CACNA1E: variants seen among roughly 807,000 people sequenced by gnomAD.
CACNA1E encodes the protein calcium voltage-gated channel subunit alpha1 E.
CACNA1E carries 40 observed loss-of-function variants against 259.2 expected under a neutral mutation model. The observed-to-expected ratio is 0.15, with a 90% CI of 0.12 to 0.20. The LOEUF (loss-of-function observed/expected upper bound fraction) is 0.20. CACNA1E is among the 10% of genes least tolerant of loss of function. The pLI, the probability that CACNA1E is intolerant of heterozygous loss-of-function variation, is 1.00. For missense variants in CACNA1E, 1,874 were observed against 3,040.1 expected, an observed-to-expected ratio of 0.62 and a Z score of 9.02; for synonymous variants, 1,104 against 1,138.5, an observed-to-expected ratio of 0.97 and a Z score of 0.61.
intron 6 of CACNA1E, among the ~76,000 whole-genome samples, chr1:181,592,073 C>T (rs1652701934): frequency 6.6e-6 from 1 of 152,150 alleles, no homozygotes; most frequent in African/African-American, 2.4e-5. Context: ...ACTCTGATGT[C>T]GCCTTCTCCA....
rs879647415 is a variant in CACNA1E at position 181,805,842 on chromosome 1, G to A, written c.*7008G>A. 1.3e-5 allele frequency: 2 copies of A among 152,240 alleles called. No homozygotes were observed. Among genetic ancestry groups the A allele is most frequent in the Non-Finnish European group, 2.9e-5 (2 of 68,072 alleles). 9.4% of individuals were successfully genotyped at this position (152,240 alleles called of 1,614,324 possible). On this transcript the variant is annotated 3_prime_UTR_variant, in exon 48 of 48. Transcript: ENST00000367573. ...CATGTGTTTGGCATTTCATGGCTGGGACAATGGAGTAGAGGGTAGGAAGAC... is the reference window on the plus strand; with the variant it reads ...CATGTGTTTGGCATTTCATGGCTGGAACAATGGAGTAGAGGGTAGGAAGAC...
intron 7 of CACNA1E, among the ~76,000 whole-genome samples, chr1:181,700,813 C>T (rs1363836527): frequency 6.6e-6 from 1 of 152,220 alleles, no homozygotes; most frequent in African/African-American, 2.4e-5. Context: ...GCTAGTCCTT[C>T]TGTGTATTGA....
rs1210369596 is a variant in CACNA1E at position 181,579,218 on chromosome 1, A to C, written c.763A>C (p.Asn255His). 1.1e-5 allele frequency: 18 copies of C among 1,611,248 alleles called. No individual in the cohort carries two copies. The highest frequency in any genetic ancestry group is 1.5e-5 in the Non-Finnish European group (18 of 1,178,932). The part of the protein sequence containing the change: ...GKLHRACFMN[N>H]SGILEGFDPP... ...GTTACATCGAGCATGCTTCATGAAC[A>C]ATTCAGGTAGGGTCGTTCTTTTCTG... The change falls in exon 5 of 48, where the codon AAT becomes CAT. Residue 255 changes from asparagine (N) to histidine (H), a missense_variant. Around this residue, in one of 14 missense-constraint regions of CACNA1E, gnomAD observed 28 missense variants for 64.6 expected, o/e 0.43. Coordinates refer to ENST00000367573, the MANE Select transcript of CACNA1E (RefSeq NM_001205293.3).
chr1:181,675,787 G>A (rs1000222566), intron 7 of CACNA1E, among the ~76,000 whole-genome samples: 11 of 152,338 alleles, frequency 7.2e-5, no homozygotes, highest in East Asian at 1.9e-4. Flanking sequence ...CAGAGCCTGC[G>A]GGATTGCCGT....
At chr1:181,770,012 T>A (rs1659365649) in intron 35 of CACNA1E, among the ~76,000 whole-genome samples, 1 of 152,194 alleles carries the variant, frequency 6.6e-6, no homozygotes, top group African/African-American at 2.4e-5. Context: ...CCATTCTCCC[T>A]GAGAGACAAG....
At chr1:181,444,387 G>A (rs1398453072) in intron 2 of CACNA1E, among the ~76,000 whole-genome samples, 1 of 151,990 alleles carries the variant, frequency 6.6e-6, no homozygotes, top group Non-Finnish European at 1.5e-5. Context: ...GAGAAGGAGA[G>A]GTAAAAGAGA....
chr1:181,602,892 A>T lies in CACNA1E; in HGVS notation c.951+22116A>T, dbSNP rs189033045. ...AACAACCATTCATTGAGTCCACAAG[A>T]TCCATACTTACGCATGAAAATTACT... On this transcript the variant is annotated intron_variant, in intron 6 of 47. Transcript: ENST00000367573. Among the ~76,000 whole-genome samples, 4 of 152,242 alleles carry T rather than the reference A, an allele frequency of 2.6e-5. No individual in the cohort carries two copies. In the East Asian group the frequency reaches 7.7e-4, roughly 29 times the overall value.
At chr1:181,581,244 ACAC>A (rs1273391327) in intron 6 of CACNA1E, among the ~76,000 whole-genome samples, 1 of 152,154 alleles carries the variant, frequency 6.6e-6, no homozygotes, top group African/African-American at 2.4e-5. Context: ...GCTCCATCCC[ACAC>A]CAATTAAGTA....
At position 181,626,976 on chromosome 1, in the gene CACNA1E, G is replaced by A. The variant is rs1656260667; in HGVS notation, c.952-24362G>A. ...TCTTAATTGCATTGGTGTAAAATGTGCAATTAAAAGGGTAATGAGAGTGGT... is the reference window on the plus strand; with the variant it reads ...TCTTAATTGCATTGGTGTAAAATGTACAATTAAAAGGGTAATGAGAGTGGT... On this transcript the variant is annotated intron_variant, in intron 6 of 47. Transcript: ENST00000367573. Among the ~76,000 whole-genome samples, 4 of 152,176 alleles carry A rather than the reference G, an allele frequency of 2.6e-5. No individual in the cohort carries two copies. The South Asian group carries it at 8.3e-4, about 32-fold the overall frequency.
chr1:181,448,429 T>G (rs1660934119), intron 2 of CACNA1E, among the ~76,000 whole-genome samples: 1 of 152,242 alleles, frequency 6.6e-6, no homozygotes, highest in South Asian at 2.1e-4. Context: ...GAGTCAGGAC[T>G]CAAGCTCAGG....
At chr1:181,353,533 A>C (rs1036659365) in intron 1 of CACNA1E, among the ~76,000 whole-genome samples, 1 of 152,200 alleles carries the variant, frequency 6.6e-6, no homozygotes. Flanking sequence ...TGAGAGAGAG[A>C]GAGCATGATG....
intron 1 of CACNA1E, among the ~76,000 whole-genome samples, chr1:181,339,749 A>T (rs1243840873): frequency 6.6e-6 from 1 of 152,070 alleles, no homozygotes. Context: ...CCACATCTTT[A>T]AAATTATTAA....
chr1:181,611,098 G>T (rs1654712852), intron 6 of CACNA1E, among the ~76,000 whole-genome samples: 1 of 152,154 alleles, frequency 6.6e-6, no homozygotes, highest in Non-Finnish European at 1.5e-5. Context: ...CCATTTCCAT[G>T]ATTATGAACA....
chr1:181,558,424 C>G (rs1221009373), intron 3 of CACNA1E, among the ~76,000 whole-genome samples: 1 of 152,142 alleles, frequency 6.6e-6, no homozygotes. Context: ...AGAACTCAGT[C>G]TAGTAGGGAA....
chr1:181,615,192 A>G (rs1655097193), intron 6 of CACNA1E, among the ~76,000 whole-genome samples: 1 of 151,822 alleles, frequency 6.6e-6, no homozygotes, highest in Admixed American at 6.6e-5. Context: ...TATATCTTTT[A>G]TTTTATTCTA....
intron 7 of CACNA1E, among the ~76,000 whole-genome samples, chr1:181,677,377 A>C (rs1010020768): frequency 6.6e-6 from 1 of 152,242 alleles, no homozygotes; most frequent in Admixed American, 6.5e-5. Context: ...ATACATGATT[A>C]GAAAGTCTTT....
intron 3 of CACNA1E, among the ~76,000 whole-genome samples, chr1:181,557,546 A>G (rs1010668540): frequency 6.6e-6 from 1 of 152,152 alleles, no homozygotes; most frequent in Non-Finnish European, 1.5e-5. Context: ...GACAGAGATA[A>G]TGAACTTCCT....
At chr1:181,618,126 C>T (rs776372407) in intron 6 of CACNA1E, among the ~76,000 whole-genome samples, 2 of 152,106 alleles carry the variant, frequency 1.3e-5, no homozygotes, top group Admixed American at 6.5e-5. Context: ...TATGAATTGG[C>T]TGTATGTCTG....
At chr1:181,528,155 G>C (rs1323163914) in intron 3 of CACNA1E, among the ~76,000 whole-genome samples, 1 of 149,338 alleles carries the variant, frequency 6.7e-6, no homozygotes, top group Admixed American at 6.7e-5. Context: ...GGTGGGGGGG[G>C]CAGTAATTGA....
Sources: allele counts gnomAD v4.1 joint callset (sites outside exome capture counted in the v4.1 genomes callset), GRCh38; gene constraint gnomAD v4.1.1; regional missense constraint gnomAD v4.1.1; transcripts MANE v1.5; gene names NCBI Gene and HGNC (gene_info 2026-07-23, HGNC 2026-07-21).